The following TNR variants were observed in gnomAD, a reference collection of about 807,000 sequenced individuals.
TNR encodes the protein tenascin R, also known as tenascin-R.
In TNR, 45 loss-of-function variants were observed where a neutral mutation model predicts 150.4. The observed-to-expected ratio is 0.30, with a 90% CI of 0.24 to 0.38. The LOEUF is 0.38. Among genes scored for constraint, TNR ranks in the 10% least tolerant of loss-of-function variants. TNR has a pLI of 1.00. For missense variants in TNR, 1,544 were observed against 1,759.1 expected (o/e 0.88, Z 2.19); for synonymous variants, 687 against 678.4 (o/e 1.01, Z -0.20).
intron 1 of TNR, among the ~76,000 whole-genome samples, chr1:175,534,715 G>A (rs1660201628): frequency 6.6e-6 from 1 of 152,194 alleles, no homozygotes; most frequent in Non-Finnish European, 1.5e-5. Flanking sequence ...TGGCTTCTGG[G>A]CTGCTAAGGC....
chr1:175,624,965 G>T (rs1219500659), intron 1 of TNR, among the ~76,000 whole-genome samples: 2 of 152,198 alleles, frequency 1.3e-5, no homozygotes, highest in African/African-American at 4.8e-5. Context: ...CACTTGCCCG[G>T]TTTTCTGGGG....
intron 1 of TNR, among the ~76,000 whole-genome samples, chr1:175,646,048 T>C (rs1664801491): frequency 6.6e-6 from 1 of 152,110 alleles, no homozygotes. Context: ...GGCAAGGAGG[T>C]AAGTTTGGGG....
intron 14 of TNR, among the ~76,000 whole-genome samples, chr1:175,361,022 A>C (rs1327068907): frequency 1.3e-5 from 2 of 152,224 alleles, no homozygotes; most frequent in Non-Finnish European, 2.9e-5. Context: ...TTGGTGTACC[A>C]AATATCTGCT....
chr1:175,513,184 C>T (rs983551231), intron 2 of TNR, among the ~76,000 whole-genome samples: 14 of 152,092 alleles, frequency 9.2e-5, no homozygotes, highest in Non-Finnish European at 4.4e-5. Flanking sequence ...AGTGCTTCTG[C>T]GTGGGCTGTC....
intron 1 of TNR, among the ~76,000 whole-genome samples, chr1:175,534,819 C>T (rs1305648566): frequency 2.6e-5 from 4 of 152,174 alleles, no homozygotes; most frequent in African/African-American, 9.7e-5. Context: ...CCCCACATGT[C>T]AAGGACACTA....
intron 1 of TNR, among the ~76,000 whole-genome samples, chr1:175,569,619 C>T (rs1331925052): frequency 1.3e-5 from 2 of 152,130 alleles, no homozygotes; most frequent in African/African-American, 2.4e-5. Flanking sequence ...TGTCAGCGAT[C>T]GATAAAATGC....
chr1:175,663,463 C>A (rs1462051574), intron 1 of TNR, among the ~76,000 whole-genome samples: 1 of 152,114 alleles, frequency 6.6e-6, no homozygotes, highest in Non-Finnish European at 1.5e-5. Context: ...AGCAAGCTTG[C>A]AAGTAGAGGA....
intron 1 of TNR, among the ~76,000 whole-genome samples, chr1:175,612,193 GA>G (rs1663620518): frequency 6.6e-6 from 1 of 152,108 alleles, no homozygotes; most frequent in Non-Finnish European, 1.5e-5. Context: ...CAGTCACTCA[GA>G]GCACCTCCTC....
At chr1:175,627,906 G>GT (rs1430964097) in intron 1 of TNR, among the ~76,000 whole-genome samples, 1 of 152,100 alleles carries the variant, frequency 6.6e-6, no homozygotes, top group Non-Finnish European at 1.5e-5. Context: ...GTAATGAGAG[G>GT]TCTGTAAAAG....
chr1:175,708,731 T>G (rs776392550), intron 1 of TNR, among the ~76,000 whole-genome samples: 8 of 152,134 alleles, frequency 5.3e-5, no homozygotes, highest in Non-Finnish European at 1.2e-4. Context: ...GGAACACACT[T>G]CGGGCCTTAA....
intron 2 of TNR, among the ~76,000 whole-genome samples, chr1:175,478,580 C>T (rs1464392497): frequency 7.9e-5 from 12 of 151,972 alleles, no homozygotes; most frequent in Non-Finnish European, 1.3e-4. Context: ...CCAGCCCAGC[C>T]TCCTCTGGGG....
intron 6 of TNR, among the ~76,000 whole-genome samples, chr1:175,392,743 G>T (rs1653238077): frequency 6.6e-6 from 1 of 152,196 alleles, no homozygotes; most frequent in South Asian, 2.1e-4. Context: ...CCCCGGGATA[G>T]GTGGTGGGGA....
At chr1:175,658,612 A>G (rs1026935455) in intron 1 of TNR, among the ~76,000 whole-genome samples, 1 of 152,232 alleles carries the variant, frequency 6.6e-6, no homozygotes, top group African/African-American at 2.4e-5. Context: ...GAACATTTTC[A>G]GAGCTAATGC....
chr1:175,582,447 T>C (rs1346801684), intron 1 of TNR, among the ~76,000 whole-genome samples: 1 of 152,208 alleles, frequency 6.6e-6, no homozygotes, highest in Non-Finnish European at 1.5e-5. Context: ...AGTTGCACCA[T>C]CACACAGAGA....
At chr1:175,708,018 T>TTGTGTGTGTGTGTG (rs10676470) in intron 1 of TNR, among the ~76,000 whole-genome samples, 12 of 144,752 alleles carry the variant, frequency 8.3e-5, no homozygotes, top group African/African-American at 3.0e-4. Context: ...ATGTGTGTGT[T>TTGTGTGTGTGTGTG]TGTGTGTGTG....
At chr1:175,326,243 T>A (rs1191975386) in intron 21 of TNR, among the ~76,000 whole-genome samples, 1 of 152,160 alleles carries the variant, frequency 6.6e-6, no homozygotes, top group Non-Finnish European at 1.5e-5. Flanking sequence ...TTTATAAAAC[T>A]TTTAGCAGGA....
intron 2 of TNR, among the ~76,000 whole-genome samples, chr1:175,434,867 ACT>A (rs1303962785): frequency 1.3e-5 from 2 of 151,272 alleles, no homozygotes; most frequent in Non-Finnish European, 2.9e-5. Context: ...TACCTCACTA[ACT>A]CTTTAATTTT....
intron 1 of TNR, among the ~76,000 whole-genome samples, chr1:175,659,218 A>T (rs1367730874): frequency 6.6e-6 from 1 of 152,212 alleles, no homozygotes; most frequent in Non-Finnish European, 1.5e-5. Context: ...GGCCTCCCCA[A>T]GAAGGCTGGA....
chr1:175,487,922 C>T (rs993663473), intron 2 of TNR, among the ~76,000 whole-genome samples: 1 of 152,168 alleles, frequency 6.6e-6, no homozygotes, highest in African/African-American at 2.4e-5. Context: ...GAACTTGCCA[C>T]TCAAGGACAC....
Sources: gnomAD v4.1 joint callset for allele counts (sites outside exome capture counted in the v4.1 genomes callset) on GRCh38, gnomAD v4.1.1 for gene constraint, MANE v1.5 for transcripts, NCBI Gene and HGNC (gene_info 2026-07-23, HGNC 2026-07-21) for gene names.